Variants in PCDHGA7 observed in about 807,000 individuals in gnomAD.
PCDHGA7 encodes the protein protocadherin gamma subfamily A, 7.
PCDHGA7 carries 44 observed loss-of-function variants against 58.3 expected under a neutral mutation model. That is an observed-to-expected ratio of 0.75 (90% CI 0.59 to 0.97). The LOEUF is 0.97. Among genes scored for constraint, PCDHGA7 ranks in the 50% least tolerant of loss-of-function variants. The pLI, the probability that PCDHGA7 is intolerant of heterozygous loss-of-function variation, is 0.00. For missense variants in PCDHGA7, 1,266 were observed against 1,188.7 expected (o/e 1.06, Z -0.96); for synonymous variants, 516 against 504.2 (o/e 1.02, Z -0.31).
rs2099413641 is a variant in PCDHGA7, at chr5:141,477,586, T to C, written c.2425-17221T>C. The C allele has an allele frequency of 1.9e-6, 3 of 1,614,022 alleles. No individual in the cohort carries two copies. The highest frequency in any genetic ancestry group is 2.5e-6 in the Non-Finnish European group (3 of 1,180,036). On this transcript the variant is annotated intron_variant, in intron 1 of 3. Transcript: ENST00000518325. This position sits in a 1 kb window ranked among gnomAD's most constrained non-coding sequence, Gnocchi z 4.9. ...GGGACCCCGACGCCCCGCAGAATGC[T>C]CGGCTTTCTTTCTTTCTCTTGGAGC... is the stretch of plus-strand genomic sequence containing the variant.
At position 141,491,257 on chromosome 5, in the gene PCDHGA7, G is replaced by GAAAT. The variant is rs1562145331; in HGVS notation, c.2425-3549_2425-3546dup. On this transcript the variant is annotated intron_variant, in intron 1 of 3. Transcript: ENST00000518325. The surrounding 1 kb of genome is among the most constrained non-coding windows in gnomAD (Gnocchi z 6.9). ...GGTTCTGGAGGATGAGGACCCTGAG[G>GAAAT]AAATGCCCAAATCCAGTGACTTCCT... is the stretch of plus-strand genomic sequence containing the variant. 6.2e-7 allele frequency: 1 copy of GAAAT among 1,614,170 alleles called. No individual in the cohort carries two copies. Among genetic ancestry groups the GAAAT allele is most frequent in the East Asian group, 2.2e-5 (1 of 44,884 alleles).
chr5:141,438,651 CAT>C (rs2098045358), intron 1 of PCDHGA7, among the ~76,000 whole-genome samples: 1 of 83,744 alleles, frequency 1.2e-5, no homozygotes, highest in East Asian at 3.2e-4. Context: ...CACACACACA[CAT>C]ATATGTATAT....
At chr5:141,419,094 G>C in intron 1 of PCDHGA7, 2 of 1,613,894 alleles carry the variant, frequency 1.2e-6, no homozygotes, top group Non-Finnish European at 1.7e-6. Context: ...GCCCTGGATC[G>C]GGAGCAGACC....
chr5:141,389,361 G>T (rs1460945767), intron 1 of PCDHGA7: 1 of 1,613,880 alleles, frequency 6.2e-7, no homozygotes, highest in South Asian at 1.1e-5. Context: ...CATGGCCAGT[G>T]ACCTGGAGCA....
intron 1 of PCDHGA7, chr5:141,408,797 C>A (rs965305130): frequency 6.2e-7 from 1 of 1,612,958 alleles, no homozygotes; most frequent in African/African-American, 1.3e-5. Context: ...TCTGGAGAAA[C>A]TCCTAGACCG....
intron 1 of PCDHGA7, chr5:141,413,956 G>A (rs2095696052): frequency 2.5e-6 from 4 of 1,613,366 alleles, no homozygotes; most frequent in African/African-American, 2.7e-5. Flanking sequence ...GAATTTGCCT[G>A]TGGGCACTCA....
rs780436102 is a variant in PCDHGA7, at chr5:141,431,846, G to A, written c.2424+46523G>A. 1 of 1,614,274 alleles carries A rather than the reference G, an allele frequency of 6.2e-7. No individual in the cohort carries two copies. Among genetic ancestry groups the A allele is most frequent in the South Asian group, 1.1e-5 (1 of 91,088 alleles). On this transcript the variant is annotated intron_variant, in intron 1 of 3. Coordinates refer to ENST00000518325, the MANE Select transcript of PCDHGA7 (RefSeq NM_018920.4). The surrounding 1 kb of genome is among the most constrained non-coding windows in gnomAD (Gnocchi z 4.8). ...CTCGGTTCCCGAAAACTCTCCCAGA[G>A]GGACATTAATTGCCCTTTTAAATGT...
At chr5:141,439,202 A>AG (rs1348445707) in intron 1 of PCDHGA7, among the ~76,000 whole-genome samples, 2 of 151,954 alleles carry the variant, frequency 1.3e-5, no homozygotes, top group African/African-American at 4.8e-5. Context: ...AAAAAAAAAA[A>AG]AAATCCATAT....
intron 1 of PCDHGA7, chr5:141,413,664 T>A: frequency 6.2e-7 from 1 of 1,613,858 alleles, no homozygotes; most frequent in Non-Finnish European, 8.5e-7. Flanking sequence ...AAGCTATTGA[T>A]CCGGATGTGG....
intron 3 of PCDHGA7, among the ~76,000 whole-genome samples, chr5:141,509,056 G>A (rs1303823294): frequency 1.3e-5 from 2 of 152,178 alleles, no homozygotes; most frequent in Admixed American, 6.5e-5. Context: ...CCCCCAGAAA[G>A]CTCTCAGCTC....
rs764481830 is a variant in PCDHGA7, at chr5:141,384,930, C to G, written c.2031C>G (p.Ser677Arg). 6.2e-7 allele frequency: 1 copy of G among 1,614,060 alleles called. No individual in the cohort carries two copies. Among genetic ancestry groups the G allele is most frequent in the Admixed American group, 1.7e-5 (1 of 60,032 alleles). ...SIPEVLADLGSLEPSDGPYNY... is the reference protein window; with the variant it reads ...SIPEVLADLGRLEPSDGPYNY... ...CCGAAGTCTTGGCCGACCTGGGCAG[C>G]CTTGAGCCCTCCGACGGTCCTTACA... The change falls in exon 1 of 4, where the codon AGC becomes AGG. Residue 677 changes from serine (S) to arginine (R), a missense_variant. Ser to Arg is a moderately radical substitution (Grantham distance 110). Transcript: ENST00000518325.
intron 1 of PCDHGA7, chr5:141,422,736 C>T (rs1408210168): frequency 9.9e-6 from 16 of 1,608,328 alleles, no homozygotes; most frequent in Non-Finnish European, 1.2e-5. Context: ...TGCCTCTGTC[C>T]TCCTATGTCT....
At chr5:141,469,104 C>G (rs1046234848) in intron 1 of PCDHGA7, among the ~76,000 whole-genome samples, 3 of 151,760 alleles carry the variant, frequency 2.0e-5, no homozygotes, top group Middle Eastern at 3.2e-3. Flanking sequence ...AAGCAAGAAC[C>G]TGTCTCTAAA....
chr5:141,423,494 A>C lies in PCDHGA7; in HGVS notation c.2424+38171A>C, dbSNP rs753859784. ...CAGGCTTTCCTGCAAACCTATTCCCACGAGGTCTCTCTCATTGCGGACTCG... is the reference window on the plus strand; with the variant it reads ...CAGGCTTTCCTGCAAACCTATTCCCCCGAGGTCTCTCTCATTGCGGACTCG... On this transcript the variant is annotated intron_variant, in intron 1 of 3. Transcript: ENST00000518325. The C allele has an allele frequency of 3.8e-5, 61 of 1,613,842 alleles. No individual in the cohort carries two copies. The highest frequency in any genetic ancestry group is 5.9e-6 in the Non-Finnish European group (7 of 1,179,940).
At position 141,403,513 on chromosome 5, in the gene PCDHGA7, T is replaced by G. The variant is rs754840157; in HGVS notation, c.2424+18190T>G. ...CCCTGAACGTGCAGACTGGAGACAATGGAGCCATAAACCCAGAGCTGGTGC... is the reference window on the plus strand; with the variant it reads ...CCCTGAACGTGCAGACTGGAGACAAGGGAGCCATAAACCCAGAGCTGGTGC... On this transcript the variant is annotated intron_variant, in intron 1 of 3. Coordinates refer to ENST00000518325, the MANE Select transcript of PCDHGA7 (RefSeq NM_018920.4). 8.1e-5 allele frequency: 131 copies of G among 1,613,832 alleles called. 1 individual carries two copies. In the African/African-American group the frequency reaches 1.2e-3, roughly 15 times the overall value.
chr5:141,464,389 A>G (rs2099082481), intron 1 of PCDHGA7, among the ~76,000 whole-genome samples: 1 of 151,766 alleles, frequency 6.6e-6, no homozygotes, highest in Non-Finnish European at 1.5e-5. Flanking sequence ...AAAAATGCTA[A>G]TGAAGAACCT....
At chr5:141,400,511 C>G (rs1456963604) in intron 1 of PCDHGA7, 1 of 1,613,824 alleles carries the variant, frequency 6.2e-7, no homozygotes, top group African/African-American at 1.3e-5. Context: ...GAGTCGACTT[C>G]CCATCCTGAG....
Position 141,511,029 on chromosome 5 carries a change from G to A in PCDHGA7, c.2655G>A (p.Leu885=), listed in dbSNP as rs1372346241. The part of the protein sequence containing the change: ...LSARYGPQFT[L]QHVPDYRQNV... ...CCCGCTACGGACCCCAGTTCACCCT[G>A]CAGCACGTGCCCGACTACCGCCAGA... The change falls in exon 4 of 4, where the codon CTG becomes CTA. Residue 885 remains leucine, a synonymous_variant. Transcript: ENST00000518325. 6.2e-7 allele frequency: 1 copy of A among 1,614,078 alleles called. No individual in the cohort carries two copies. Among genetic ancestry groups the A allele is most frequent in the Non-Finnish European group, 8.5e-7 (1 of 1,180,032 alleles).
chr5:141,501,636 C>T (rs2099810310), intron 2 of PCDHGA7, among the ~76,000 whole-genome samples: 1 of 152,130 alleles, frequency 6.6e-6, no homozygotes, highest in South Asian at 2.1e-4. Flanking sequence ...CTCAACCTCT[C>T]TGAGCCCTGT....
Sources: gnomAD v4.1 joint callset for allele counts (sites outside exome capture counted in the v4.1 genomes callset) on GRCh38, gnomAD v4.1.1 for gene constraint, Gnocchi (gnomAD v3.1) non-coding constraint, MANE v1.5 for transcripts, NCBI Gene and HGNC (gene_info 2026-07-23, HGNC 2026-07-21) for gene names.